The following UBP1 variants were observed in gnomAD, a reference collection of about 807,000 sequenced individuals.
UBP1 encodes upstream-binding protein 1.
Under a neutral mutation model 76.1 loss-of-function variants are expected in UBP1, and 22 were observed. The ratio of observed to expected loss-of-function variants is 0.29; its 90% confidence interval spans 0.21 to 0.41. The LOEUF (loss-of-function observed/expected upper bound fraction) is 0.41. UBP1 is among the 10% of genes least tolerant of loss of function. The pLI is 1.00. For synonymous variants in UBP1, 224 were observed against 237.1 expected (o/e 0.94, Z 0.51); for missense variants, 436 against 668.1 (o/e 0.65, Z 3.83).
intron 1 of UBP1, among the ~76,000 whole-genome samples, chr3:33,434,477 G>A (rs570665001): frequency 6.8e-6 from 1 of 147,306 alleles, no homozygotes; most frequent in East Asian, 2.1e-4. Context: ...TTGTAAGATG[G>A]GGTTTCACCA....
At chr3:33,395,109 A>G (rs1327565666) in intron 13 of UBP1, among the ~76,000 whole-genome samples, 1 of 152,208 alleles carries the variant, frequency 6.6e-6, no homozygotes, top group Non-Finnish European at 1.5e-5. Flanking sequence ...TAAGCTCTTG[A>G]TGATACATGG....
intron 2 of UBP1, among the ~76,000 whole-genome samples, chr3:33,421,010 AGGGGCT>A: frequency 6.6e-6 from 1 of 152,344 alleles, no homozygotes; most frequent in Admixed American, 6.5e-5. Context: ...TTGAAGAGTT[AGGGGCT>A]GATCCAGCAG....
intron 13 of UBP1, among the ~76,000 whole-genome samples, chr3:33,394,664 C>T (rs2043898463): frequency 6.6e-6 from 1 of 152,112 alleles, no homozygotes; most frequent in African/African-American, 2.4e-5. Flanking sequence ...GAGAACTTTG[C>T]TTCCCCAAAC....
At chr3:33,394,191 T>TTTATTATTATTATTATTATTATTA (rs148929407) in intron 13 of UBP1, among the ~76,000 whole-genome samples, 16 of 143,428 alleles carry the variant, frequency 1.1e-4, no homozygotes, top group Admixed American at 6.4e-4. Context: ...CTGGCTAATT[T>TTTATTATTATTATTATTATTATTA]TTATTATTAT....
intron 2 of UBP1, among the ~76,000 whole-genome samples, chr3:33,425,167 G>A (rs747882980): frequency 1.5e-4 from 23 of 152,124 alleles, no homozygotes; most frequent in Non-Finnish European, 2.1e-4. Flanking sequence ...GATAAAATTT[G>A]ATGTTTATTT....
At chr3:33,394,784 C>T (rs1225827090) in intron 13 of UBP1, among the ~76,000 whole-genome samples, 1 of 149,750 alleles carries the variant, frequency 6.7e-6, no homozygotes, top group East Asian at 1.9e-4. Flanking sequence ...CACCAAACCA[C>T]AGCCCATATG....
At position 33,425,695 on chromosome 3, in the gene UBP1, G is replaced by A. The variant is rs2044998702; in HGVS notation, c.160C>T (p.Pro54Ser). 1 of 1,599,852 alleles carries A rather than the reference G, an allele frequency of 6.3e-7. No individual in the cohort carries two copies. Among genetic ancestry groups the A allele is most frequent in the South Asian group, 1.1e-5 (1 of 89,930 alleles). Residue 54 changes from proline (P) to serine (S), a missense_variant, in exon 2 of 16, where the codon CCA becomes TCA. By Grantham distance (74) the Pro-to-Ser change is moderately conservative (BLOSUM62 -1). Around this residue, in one of 3 missense-constraint regions of UBP1, gnomAD observed 161 missense variants for 237.9 expected, o/e 0.68. Transcript: ENST00000283629. ...GGGTGCTCTGTTTCACCATCCAATG[G>A]AAGGCTGGAATCTTCCTGCTTGAAA... ...PIFKQEDSSL[P>S]LDGETEHPPF...
At chr3:33,430,270 G>C (rs2045091001) in intron 1 of UBP1, among the ~76,000 whole-genome samples, 1 of 152,194 alleles carries the variant, frequency 6.6e-6, no homozygotes, top group Admixed American at 6.5e-5. Context: ...TGTAGTTTTA[G>C]TGGCCTTGTG....
In UBP1 at chr3:33,439,929, G is replaced by T; in HGVS notation, c.-81C>A. On this transcript the variant is annotated 5_prime_UTR_variant, in exon 1 of 16. Transcript: ENST00000283629. ...GCCGGAGCTCCGCTGGCGCGTCCTG[G>T]GGGAGGGCGCGGGTGAAGCCTCCGG... 6.6e-7 allele frequency: 1 copy of T among 1,511,346 alleles called. No homozygotes were observed. Among genetic ancestry groups the T allele is most frequent in the Non-Finnish European group, 9.0e-7 (1 of 1,107,544 alleles). The allele number at this position is 1,511,346 out of a possible 1,614,324, so 93.6% of individuals were successfully genotyped here.
At chr3:33,441,145 G>C (rs983646400), upstream of UBP1, 14 of 152,294 alleles carry the variant, frequency 9.2e-5, no homozygotes, top group Non-Finnish European at 1.6e-4. Context: ...CAGCTACGCT[G>C]CTCAGAAGGC....
chr3:33,431,210 C>G (rs2045106298), intron 1 of UBP1, among the ~76,000 whole-genome samples: 1 of 151,940 alleles, frequency 6.6e-6, no homozygotes, highest in Non-Finnish European at 1.5e-5. Context: ...GAAAGCAGCA[C>G]AGAGAGGAAA....
At chr3:33,425,563 T>G (rs748531001) in intron 2 of UBP1, 27 bp downstream of exon 2, 10 of 1,490,334 alleles carry the variant, frequency 6.7e-6, no homozygotes, top group African/African-American at 1.4e-5. Flanking sequence ...AATTCTTACA[T>G]GTCAAATGTG....
chr3:33,436,299 T>C (rs1031688885), intron 1 of UBP1, among the ~76,000 whole-genome samples: 4 of 152,250 alleles, frequency 2.6e-5, no homozygotes, highest in South Asian at 2.1e-4. Context: ...CAAGAATACA[T>C]TGTATCATTA....
At chr3:33,397,817 G>C (rs2044066284) in intron 11 of UBP1, 1 of 151,998 alleles carries the variant, frequency 6.6e-6, no homozygotes, top group Non-Finnish European at 1.5e-5. Context: ...GCACCACCTA[G>C]AGAAGCAGTG....
intron 13 of UBP1, among the ~76,000 whole-genome samples, chr3:33,395,768 AAAAAAG>A (rs2043962082): frequency 1.3e-5 from 2 of 150,198 alleles, no homozygotes; most frequent in Non-Finnish European, 3.0e-5. Flanking sequence ...AAAAAAAAAA[AAAAAAG>A]AAAAAGGAAA....
chr3:33,400,441 T>TA (rs1435165041), intron 10 of UBP1, among the ~76,000 whole-genome samples, 159 bp from the exon 11 acceptor site: 1 of 152,060 alleles, frequency 6.6e-6, no homozygotes, highest in African/African-American at 2.4e-5. Flanking sequence ...GTCAGAAACT[T>TA]AAACATGATA....
intron 1 of UBP1, among the ~76,000 whole-genome samples, chr3:33,434,403 A>AT (rs1335748841): frequency 6.7e-6 from 1 of 148,590 alleles, no homozygotes. Flanking sequence ...GGCACAGGCA[A>AT]TTCTCCTGCC....
Position 33,396,312 on chromosome 3 carries a change from GGAGA to G in UBP1, c.1272-36_1272-33del. The G allele has an allele frequency of 3.3e-6, 5 of 1,519,498 alleles. No individual in the cohort carries two copies. The East Asian group carries it at 1.2e-4, about 35-fold the overall frequency. The allele number at this position is 1,519,498 out of a possible 1,614,324, so 94.1% of individuals were successfully genotyped here. A position where few individuals can be genotyped will look rare whatever the true frequency, so the allele number is the denominator to read the frequency against. On this transcript the variant is annotated intron_variant, in intron 12 of 15. Coordinates refer to ENST00000283629, the MANE Select transcript of UBP1 (RefSeq NM_014517.5). ...TCAGAAGATGCCACTGATGAGCCTG[GGAGA>G]GAAAGCTGCCTTACACATGTACAAA... is the stretch of plus-strand genomic sequence containing the variant.
intron 2 of UBP1, among the ~76,000 whole-genome samples, chr3:33,420,751 T>A (rs1292786552): frequency 6.6e-6 from 1 of 152,156 alleles, no homozygotes; most frequent in Non-Finnish European, 1.5e-5. Flanking sequence ...CCTCCCAAAG[T>A]GCTGGGTTTA....
Sources: gnomAD v4.1 joint callset for allele counts (sites outside exome capture counted in the v4.1 genomes callset) on GRCh38, gnomAD v4.1.1 for gene constraint, gnomAD v4.1.1 regional missense constraint, MANE v1.5 for transcripts, NCBI Gene and HGNC (gene_info 2026-07-23, HGNC 2026-07-21) for gene names.